Variants in PRKCQ observed in about 807,000 individuals in gnomAD.
The protein encoded by PRKCQ is protein kinase C theta.
A neutral mutation model predicts 91.2 loss-of-function variants in PRKCQ; 41 were observed. The ratio of observed to expected loss-of-function variants is 0.45; its 90% CI spans 0.35 to 0.58. The LOEUF (loss-of-function observed/expected upper bound fraction) is 0.58, where lower values mean the gene tolerates loss of function less well. Ranked by LOEUF, PRKCQ falls within the 20% of genes least tolerant of loss-of-function variation. The probability of loss-of-function intolerance (pLI) is 0.00; values close to 1 mark genes in which losing one functional copy is unlikely to be tolerated. For missense variants in PRKCQ, 673 were observed against 896.5 expected, an observed-to-expected ratio of 0.75 and a Z score of 3.18; for synonymous variants, 307 against 316.9, an observed-to-expected ratio of 0.97 and a Z score of 0.33.
intron 3 of PRKCQ, 90 bp from the exon 4 acceptor site, chr10:6,507,586 T>C: frequency 9.1e-7 from 1 of 1,096,438 alleles, no homozygotes; most frequent in Non-Finnish European, 1.4e-6. Flanking sequence ...TGGCAGGAGA[T>C]TTCCACCACA....
chr10:6,536,072 T>A (rs1311970508), intron 1 of PRKCQ, among the ~76,000 whole-genome samples: 1 of 152,140 alleles, frequency 6.6e-6, no homozygotes, highest in East Asian at 1.9e-4. Context: ...GGGAAGCAGA[T>A]GTGCGTGGGG....
At chr10:6,519,013 G>A (rs1838893117) in intron 1 of PRKCQ, among the ~76,000 whole-genome samples, 1 of 152,162 alleles carries the variant, frequency 6.6e-6, no homozygotes, top group Admixed American at 6.5e-5. Flanking sequence ...GTATATGTAA[G>A]TATATATGTG....
At chr10:6,447,571 T>C (rs1834384812) in intron 15 of PRKCQ, among the ~76,000 whole-genome samples, 1 of 151,956 alleles carries the variant, frequency 6.6e-6, no homozygotes, top group Non-Finnish European at 1.5e-5. Context: ...TCTCAGGAGG[T>C]GCAGCCTAGT....
Position 6,497,210 on chromosome 10 carries a change from T to G in PRKCQ, c.574+10A>C. On this transcript the variant is annotated intron_variant, in intron 6 of 17. Transcript: ENST00000263125. The surrounding 1 kb of genome is among the most constrained non-coding windows in gnomAD (Gnocchi z 4.5). ...AATGATGGTAATGCAACCAAAACCC[T>G]CTTACTTACGTCGGCACTGGTAGCC... 6.2e-7 allele frequency: 1 copy of G among 1,614,198 alleles called. No individual in the cohort carries two copies. Among genetic ancestry groups the G allele is most frequent in the Non-Finnish European group, 8.5e-7 (1 of 1,180,024 alleles).
At chr10:6,468,948 A>G (rs756864409) in intron 12 of PRKCQ, among the ~76,000 whole-genome samples, 1 of 152,246 alleles carries the variant, frequency 6.6e-6, no homozygotes, top group Non-Finnish European at 1.5e-5. Flanking sequence ...GCTATCGTTC[A>G]TATTTAAAAT....
Position 6,479,100 on chromosome 10 carries a change from C to T in PRKCQ, c.1245G>A (p.Val415=). ...ACTCAACATCATCGTCCATCAAGAC[C>T]ACATCTTTCTTTAAGGCCTTTATTG... is the stretch of plus-strand genomic sequence containing the variant. The part of the protein sequence containing the change: ...FFAIKALKKD[V]VLMDDDVECT... Residue 415 remains valine, a synonymous_variant, in exon 12 of 18, where the codon GTG becomes GTA. Transcript: ENST00000263125. The T allele has an allele frequency of 6.2e-7, 1 of 1,614,164 alleles. No individual in the cohort carries two copies. The highest frequency in any genetic ancestry group is 8.5e-7 in the Non-Finnish European group (1 of 1,180,032).
intron 1 of PRKCQ, among the ~76,000 whole-genome samples, chr10:6,532,095 G>A (rs1461522143): frequency 1.3e-5 from 2 of 152,188 alleles, no homozygotes; most frequent in Non-Finnish European, 2.9e-5. Flanking sequence ...TATTACATAT[G>A]CCGAAGGATT....
rs566897098 is a variant in PRKCQ at position 6,560,750 on chromosome 10, T to C, written c.-10+19461A>G. 2.0e-5 allele frequency among the ~76,000 whole-genome samples: 3 copies of C among 152,256 alleles called. No individual in the cohort carries two copies. The East Asian group carries it at 5.8e-4, about 29-fold the overall frequency. On this transcript the variant is annotated intron_variant, in intron 1 of 17. Transcript: ENST00000263125. ...GGTTTCTTGAAATTTTAAAAATTAT[T>C]CTTTTGAGGCCAGGCGCGGTGTCTC...
chr10:6,431,544 G>A (rs138129701), intron 16 of PRKCQ, among the ~76,000 whole-genome samples: 36 of 152,172 alleles, frequency 2.4e-4, no homozygotes, highest in Non-Finnish European at 4.0e-4. Flanking sequence ...ATACACACAC[G>A]TACAGGAACA....
the PRKCQ span, among the ~76,000 whole-genome samples, chr10:6,395,022 T>C: frequency 1.3e-5 from 2 of 150,852 alleles, no homozygotes; most frequent in Non-Finnish European, 2.9e-5. Context: ...GAACAAATAA[T>C]TTACACAGAG....
At position 6,430,763 on chromosome 10, in the gene PRKCQ, C is replaced by T. The variant is rs776854965; in HGVS notation, c.1965+47G>A. The T allele has an allele frequency of 1.8e-5, 28 of 1,597,074 alleles. No homozygotes were observed. The highest frequency in any genetic ancestry group is 2.3e-5 in the South Asian group (2 of 87,774). ...ACTTGGACAGGCAGACGGCCCTGAG[C>T]GGAGGGAGAGTGGCTGACACCAAGC... On this transcript the variant is annotated intron_variant, in intron 17 of 17. Coordinates refer to ENST00000263125, the MANE Select transcript of PRKCQ (RefSeq NM_006257.5). This position sits in a 1 kb window ranked among gnomAD's most constrained non-coding sequence, Gnocchi z 4.7.
chr10:6,499,587 A>C (rs1254987124), intron 4 of PRKCQ, among the ~76,000 whole-genome samples: 1 of 152,204 alleles, frequency 6.6e-6, no homozygotes, highest in East Asian at 1.9e-4. Flanking sequence ...TAAATAAATA[A>C]GGATAATGAA....
rs116455138 is a variant in PRKCQ at position 6,436,848 on chromosome 10, T to C, written c.1836+5045A>G. On this transcript the variant is annotated intron_variant, in intron 16 of 17. Transcript: ENST00000263125. ...CCAATCTTTCTCTCCTTGGAAATCA[T>C]CACTTCCAACTTCTCTCCACGGAAT... Among the ~76,000 whole-genome samples, 1,085 of 152,298 alleles carry C rather than the reference T, an allele frequency of 7.1e-3. 9 individuals carry two copies. The highest frequency in any genetic ancestry group is 0.025 in the African/African-American group (1,040 of 41,566).
chr10:6,551,323 A>T (rs1292238014), intron 1 of PRKCQ, among the ~76,000 whole-genome samples: 1 of 152,124 alleles, frequency 6.6e-6, no homozygotes, highest in Admixed American at 6.5e-5. Context: ...GTTTCTGCAA[A>T]AGTCCTGGTC....
intron 1 of PRKCQ, among the ~76,000 whole-genome samples, chr10:6,525,078 A>C (rs1248920571): frequency 6.6e-6 from 1 of 152,088 alleles, no homozygotes. Flanking sequence ...ACATTTTCAG[A>C]GTCCCAACAA....
At chr10:6,486,008 G>A (rs1191700165) in intron 9 of PRKCQ, 27 bp downstream of exon 9, 4 of 1,585,626 alleles carry the variant, frequency 2.5e-6, no homozygotes, top group South Asian at 1.1e-5. Flanking sequence ...GCCATGGCGG[G>A]AACGTGTCCA....
At chr10:6,416,307 A>G in the PRKCQ span, among the ~76,000 whole-genome samples, 1 of 151,884 alleles carries the variant, frequency 6.6e-6, no homozygotes, top group African/African-American at 2.4e-5. Context: ...ATTTTGGTGC[A>G]CCCATTACCT....
Position 6,549,509 on chromosome 10 carries a change from C to T in PRKCQ, c.-10+30702G>A, listed in dbSNP as rs1167419542. ...CCCATCATACAAAGGTTTGTCATAG[C>T]GATTACTAGGTTGGTACAAAAGTAA... On this transcript the variant is annotated intron_variant, in intron 1 of 17. Transcript: ENST00000263125. 4.0e-5 allele frequency among the ~76,000 whole-genome samples: 6 copies of T among 151,810 alleles called. No homozygotes were observed. The South Asian group carries it at 6.2e-4, about 16-fold the overall frequency.
At chr10:6,493,215 A>G (rs989103808) in intron 7 of PRKCQ, among the ~76,000 whole-genome samples, 1 of 152,206 alleles carries the variant, frequency 6.6e-6, no homozygotes, top group Non-Finnish European at 1.5e-5. Context: ...GTGGTGAGTT[A>G]GAGTTGAGAT....
Sources: gnomAD v4.1 joint callset for allele counts (sites outside exome capture counted in the v4.1 genomes callset) on GRCh38, gnomAD v4.1.1 for gene constraint, Gnocchi (gnomAD v3.1) non-coding constraint, MANE v1.5 for transcripts, NCBI Gene and HGNC (gene_info 2026-07-23, HGNC 2026-07-21) for gene names.